Variants in TACR3 observed in about 807,000 individuals in gnomAD.
TACR3 encodes neuromedin-K receptor.
A neutral mutation model predicts 35.0 loss-of-function variants in TACR3; 34 were observed. That is an observed-to-expected ratio of 0.97 (90% CI 0.74 to 1.30). The LOEUF (loss-of-function observed/expected upper bound fraction) is 1.30, where lower values mean the gene tolerates loss of function less well. Ranked by LOEUF, TACR3 falls within the 50% of genes most tolerant of loss-of-function variation. The pLI is 0.00. For missense variants in TACR3, 558 were observed against 591.7 expected (o/e 0.94, Z 0.59); for synonymous variants, 233 against 221.1 (o/e 1.05, Z -0.48).
intron 1 of TACR3, among the ~76,000 whole-genome samples, chr4:103,680,840 AT>A (rs1409219987): frequency 6.6e-6 from 1 of 151,874 alleles, no homozygotes; most frequent in Non-Finnish European, 1.5e-5. Flanking sequence ...TAATAGGGCT[AT>A]TAGGAAATTG....
Position 103,718,161 on chromosome 4 carries a change from T to C in TACR3, c.548+967A>G, listed in dbSNP as rs187378499. On this transcript the variant is annotated intron_variant, in intron 1 of 4. Transcript: ENST00000304883. ...CTGAAATGTCATAAGAATTAATATT[T>C]ATCTCCATTTTATTTTGATATGTTT... Among the ~76,000 whole-genome samples, 11 of 152,352 alleles carry C rather than the reference T, an allele frequency of 7.2e-5. No individual in the cohort carries two copies. The East Asian group carries it at 2.1e-3, about 29-fold the overall frequency.
At chr4:103,704,155 G>A (rs1031093806) in intron 1 of TACR3, among the ~76,000 whole-genome samples, 9 of 145,112 alleles carry the variant, frequency 6.2e-5, no homozygotes, top group Admixed American at 3.4e-4. Flanking sequence ...AAGGAAATTG[G>A]TAATACATTT....
At chr4:103,677,251 A>G (rs937893981) in intron 1 of TACR3, among the ~76,000 whole-genome samples, 2 of 152,214 alleles carry the variant, frequency 1.3e-5, no homozygotes, top group African/African-American at 2.4e-5. Context: ...ACACTTTTAC[A>G]CTGTTGGTAG....
At chr4:103,598,377 C>G (rs1416643285) in intron 3 of TACR3, among the ~76,000 whole-genome samples, 1 of 152,178 alleles carries the variant, frequency 6.6e-6, no homozygotes, top group Non-Finnish European at 1.5e-5. Context: ...AAGTAGGTTG[C>G]AAAAACTTTC....
chr4:103,656,840 T>G (rs958043955), intron 2 of TACR3, among the ~76,000 whole-genome samples: 3 of 152,104 alleles, frequency 2.0e-5, no homozygotes, highest in African/African-American at 7.2e-5. Flanking sequence ...GTAGATACTC[T>G]GAGCCATAAT....
chr4:103,629,390 C>G (rs1018942849), intron 3 of TACR3, among the ~76,000 whole-genome samples: 76 of 152,162 alleles, frequency 5.0e-4, no homozygotes, highest in African/African-American at 1.8e-3. Flanking sequence ...TCTAGAAAAC[C>G]CCATTGTCTC....
In TACR3 at chr4:103,589,686, G is replaced by A. The variant is rs1035842182; in HGVS notation, c.1394C>T (p.Ser465Phe). 6.2e-7 allele frequency: 1 copy of A among 1,613,838 alleles called. No individual in the cohort carries two copies. The highest frequency in any genetic ancestry group is 1.3e-5 in the African/African-American group (1 of 75,034). The change falls in exon 5 of 5, where the codon TCT becomes TTT. Residue 465 changes from serine to phenylalanine, a missense_variant. Ser to Phe is a radical substitution (Grantham distance 155, BLOSUM62 -2). Transcript: ENST00000304883. ...SSPYTSVDEY[S>F] Reference sequence around the variant, plus strand: ...CTTTTACCTCAGGAAATGGAATTAAGAATATTCATCCACAGAGGTATAGGG... The same window carrying A: ...CTTTTACCTCAGGAAATGGAATTAAAAATATTCATCCACAGAGGTATAGGG...
At chr4:103,713,718 A>C (rs1723024186) in intron 1 of TACR3, among the ~76,000 whole-genome samples, 1 of 152,120 alleles carries the variant, frequency 6.6e-6, no homozygotes, top group Non-Finnish European at 1.5e-5. Context: ...ATGGTTCTGG[A>C]TGAGATTGGT....
intron 1 of TACR3, among the ~76,000 whole-genome samples, chr4:103,703,329 A>G (rs1722706285): frequency 6.6e-6 from 1 of 152,196 alleles, no homozygotes; most frequent in Non-Finnish European, 1.5e-5. Flanking sequence ...ACCACCACTC[A>G]TCTCAGAACT....
At position 103,692,135 on chromosome 4, in the gene TACR3, C is replaced by A. The variant is rs17034000; in HGVS notation, c.548+26993G>T. On this transcript the variant is annotated intron_variant, in intron 1 of 4. Coordinates refer to ENST00000304883, the MANE Select transcript of TACR3 (RefSeq NM_001059.3). Reference sequence around the variant, plus strand: ...TTACTGTGTGTGAATGTAAAAATGACATTATGTGATTGGAATACATGATTC... The same window carrying A: ...TTACTGTGTGTGAATGTAAAAATGAAATTATGTGATTGGAATACATGATTC... 8.1e-3 allele frequency among the ~76,000 whole-genome samples: 1,235 copies of A among 152,128 alleles called. 20 individuals carry two copies. Among genetic ancestry groups the A allele is most frequent in the African/African-American group, 0.028 (1,182 of 41,496 alleles).
intron 3 of TACR3, among the ~76,000 whole-genome samples, chr4:103,597,445 C>T (rs1014056471): frequency 2.6e-5 from 4 of 152,046 alleles, no homozygotes; most frequent in Admixed American, 1.3e-4. Context: ...TGATTAGAAT[C>T]CTTTTTTTTA....
intron 1 of TACR3, among the ~76,000 whole-genome samples, chr4:103,676,521 T>C (rs779622523): frequency 6.6e-6 from 1 of 152,056 alleles, no homozygotes; most frequent in Admixed American, 6.6e-5. Context: ...ATATAGTGTG[T>C]TAAAAGTGGT....
chr4:103,684,051 C>A (rs1722174886), intron 1 of TACR3, among the ~76,000 whole-genome samples: 1 of 151,990 alleles, frequency 6.6e-6, no homozygotes, highest in Non-Finnish European at 1.5e-5. Context: ...AAACTCTCAG[C>A]ACATTCAAAT....
Position 103,589,041 on chromosome 4 carries a change from G to A in TACR3, c.*641C>T, listed in dbSNP as rs1161056077. ...TTCTCAGAAAAAAAATCAAGAGAAT[G>A]AAATATACATTTGCCTAATGATTTA... is the stretch of plus-strand genomic sequence containing the variant. On this transcript the variant is annotated 3_prime_UTR_variant, in exon 5 of 5. Transcript: ENST00000304883. 2.0e-5 allele frequency: 3 copies of A among 152,028 alleles called. No individual in the cohort carries two copies. Among genetic ancestry groups the A allele is most frequent in the Non-Finnish European group, 2.9e-5 (2 of 67,974 alleles). The allele number at this position is 152,028 out of a possible 1,614,324, so 9.4% of individuals were successfully genotyped here.
chr4:103,632,835 T>TAACA (rs1276046900), intron 3 of TACR3, among the ~76,000 whole-genome samples: 22 of 152,114 alleles, frequency 1.4e-4, no homozygotes, highest in African/African-American at 5.3e-4. Context: ...ATATAAAATC[T>TAACA]AACAGTGCCT....
chr4:103,681,500 A>T (rs1274128325), intron 1 of TACR3, among the ~76,000 whole-genome samples: 7 of 152,118 alleles, frequency 4.6e-5, no homozygotes, highest in Non-Finnish European at 1.0e-4. Flanking sequence ...CATGTACATC[A>T]AGGCAAAGAA....
At chr4:103,703,247 A>G (rs1722703114) in intron 1 of TACR3, among the ~76,000 whole-genome samples, 1 of 152,184 alleles carries the variant, frequency 6.6e-6, no homozygotes, top group African/African-American at 2.4e-5. Context: ...TATAACATAA[A>G]GTTTGCCATT....
At position 103,591,649 on chromosome 4, in the gene TACR3, A is replaced by G; in HGVS notation, c.923T>C (p.Phe308Ser). The part of the protein sequence containing the change: ...VKMMIIVVMT[F>S]AICWLPYHIY... ...ATGATAGGGCAGCCAGCAGATAGCA[A>G]ATGTCATGACAACAATAATCATCAT... The change falls in exon 4 of 5, where the codon TTT (phenylalanine) becomes TCT (serine). Residue 308 changes from phenylalanine to serine, a missense_variant. Coordinates refer to ENST00000304883, the MANE Select transcript of TACR3 (RefSeq NM_001059.3). 3.7e-6 allele frequency: 6 copies of G among 1,613,536 alleles called. No homozygotes were observed. Among genetic ancestry groups the G allele is most frequent in the Non-Finnish European group, 5.1e-6 (6 of 1,179,760 alleles).
intron 1 of TACR3, among the ~76,000 whole-genome samples, chr4:103,689,474 T>A (rs550360437): frequency 1.3e-5 from 2 of 151,772 alleles, no homozygotes; most frequent in Non-Finnish European, 2.9e-5. Flanking sequence ...ATACAGACTA[T>A]CAAAGATATA....
Sources: gnomAD v4.1 joint callset for allele counts (sites outside exome capture counted in the v4.1 genomes callset) on GRCh38, gnomAD v4.1.1 for gene constraint, MANE v1.5 for transcripts, NCBI Gene and HGNC (gene_info 2026-07-23, HGNC 2026-07-21) for gene names.